The following ARHGAP6 variants were observed in gnomAD, a reference collection of about 807,000 sequenced individuals.
The protein encoded by ARHGAP6 is rho GTPase-activating protein 6.
A neutral mutation model predicts 55.7 loss-of-function variants in ARHGAP6; 16 were observed. The observed-to-expected ratio is 0.29, with a 90% confidence interval of 0.19 to 0.44. The LOEUF is 0.44. Ranked by LOEUF, ARHGAP6 falls within the 20% of genes least tolerant of loss-of-function variation. The pLI, the probability that ARHGAP6 is intolerant of heterozygous loss-of-function variation, is 1.00. For synonymous variants in ARHGAP6, 382 were observed against 360.9 expected (o/e 1.06, Z -0.66); for missense variants, 698 against 808.9 (o/e 0.86, Z 1.66).
chrX:11,651,214 TA>T (rs2052580314), intron 1 of ARHGAP6, among the ~76,000 whole-genome samples: 2 of 111,630 alleles, frequency 1.8e-5, no homozygotes, highest in South Asian at 3.8e-4. Flanking sequence ...GGGGTTTAGC[TA>T]TACAGATTAT....
chrX:11,603,382 G>T, intron 1 of ARHGAP6, among the ~76,000 whole-genome samples: 1 of 111,640 alleles, frequency 9.0e-6, no homozygotes, highest in South Asian at 3.8e-4. Context: ...AAACTGTTTT[G>T]CTTTTTCACA....
At chrX:11,515,850 A>G (rs991551759) in intron 1 of ARHGAP6, among the ~76,000 whole-genome samples, 2 of 112,843 alleles carry the variant, frequency 1.8e-5, no homozygotes, top group African/African-American at 6.4e-5. Context: ...TGTTATTGGT[A>G]TTTCTAAAAC....
intron 1 of ARHGAP6, among the ~76,000 whole-genome samples, chrX:11,389,639 T>C (rs907469852): frequency 8.9e-6 from 1 of 112,652 alleles, no homozygotes; most frequent in Non-Finnish European, 1.9e-5. Context: ...TGCTAAATTT[T>C]ACATGTCCTA....
rs953912280 is a variant in ARHGAP6, at chrX:11,304,777, C to CTTTTTTTTTT, written c.589-50080_589-50071dup. On this transcript the variant is annotated intron_variant, in intron 1 of 12. Coordinates refer to ENST00000337414, the MANE Select transcript of ARHGAP6 (RefSeq NM_013427.3). The stretch of plus-strand genomic sequence containing the variant: ...AAGGATTTCATTTTTCTTTCTTTTA[C>CTTTTTTTTTT]TTTTTTTTTTTTTTTTTTTTTTTTT... Among the ~76,000 whole-genome samples, 45 of 50,280 alleles carry CTTTTTTTTTT rather than the reference C, an allele frequency of 8.9e-4. 1 individual carries two copies. Among genetic ancestry groups the CTTTTTTTTTT allele is most frequent in the Non-Finnish European group, 1.1e-3 (30 of 27,107 alleles). The allele number at this position is 50,280 out of a possible 115,157, so 43.7% of individuals were successfully genotyped here. A position where few individuals can be genotyped will look rare whatever the true frequency, so the allele number is the denominator to read the frequency against.
chrX:11,275,798 G>A (rs2047754434), intron 1 of ARHGAP6, among the ~76,000 whole-genome samples: 1 of 111,299 alleles, frequency 9.0e-6, no homozygotes, highest in African/African-American at 3.3e-5. Context: ...TCATGGTTAG[G>A]GTGAGGGGTG....
At chrX:11,349,952 A>C (rs765977737) in intron 1 of ARHGAP6, among the ~76,000 whole-genome samples, 2 of 111,971 alleles carry the variant, frequency 1.8e-5, no homozygotes, top group Admixed American at 1.9e-4. Context: ...GGACTTCCCA[A>C]ACTTCAGATT....
intron 1 of ARHGAP6, among the ~76,000 whole-genome samples, chrX:11,388,375 T>A (rs928382404): frequency 8.9e-6 from 1 of 112,163 alleles, no homozygotes; most frequent in Admixed American, 9.4e-5. Flanking sequence ...TCTGTTCATA[T>A]CCTTCACCCA....
intron 1 of ARHGAP6, among the ~76,000 whole-genome samples, chrX:11,634,112 G>A (rs772551946): frequency 7.5e-4 from 73 of 97,566 alleles, no homozygotes; most frequent in African/African-American, 2.8e-3. Context: ...GTCTCACTCT[G>A]TCTCCCAGGC....
At chrX:11,153,440 G>C (rs771642652) in intron 10 of ARHGAP6, among the ~76,000 whole-genome samples, 2 of 100,134 alleles carry the variant, frequency 2.0e-5, no homozygotes, top group African/African-American at 7.4e-5. Context: ...CAGGAGAATC[G>C]TTTGAACCCG....
intron 1 of ARHGAP6, among the ~76,000 whole-genome samples, chrX:11,287,399 G>T (rs1261086686): frequency 1.8e-5 from 2 of 112,001 alleles, no homozygotes; most frequent in African/African-American, 3.2e-5. Context: ...TCTTGCGTCT[G>T]CTCTGACTCT....
At chrX:11,340,093 C>T (rs1157547879) in intron 1 of ARHGAP6, among the ~76,000 whole-genome samples, 3 of 112,156 alleles carry the variant, frequency 2.7e-5, no homozygotes, top group Non-Finnish European at 3.8e-5. Context: ...TCAACTGGTC[C>T]CCTGTATCCA....
chrX:11,375,170 G>A (rs1355753169), intron 1 of ARHGAP6, among the ~76,000 whole-genome samples: 2 of 111,860 alleles, frequency 1.8e-5, no homozygotes, highest in South Asian at 3.8e-4. Context: ...GAGAGCAAAT[G>A]TATAACTTAG....
intron 8 of ARHGAP6, among the ~76,000 whole-genome samples, chrX:11,174,982 C>T (rs959979799): frequency 5.4e-5 from 6 of 110,148 alleles, no homozygotes; most frequent in Admixed American, 9.6e-5. Flanking sequence ...TGAGCCACCG[C>T]GCCTGGCCCG....
chrX:11,607,881 A>G (rs956903857), intron 1 of ARHGAP6, among the ~76,000 whole-genome samples: 1 of 112,536 alleles, frequency 8.9e-6, no homozygotes, highest in African/African-American at 3.2e-5. Context: ...CACATCTGAT[A>G]CTACAGGCTT....
At chrX:11,545,156 G>A (rs1004493966) in intron 1 of ARHGAP6, among the ~76,000 whole-genome samples, 5 of 111,509 alleles carry the variant, frequency 4.5e-5, no homozygotes, top group African/African-American at 1.6e-4. Context: ...GTTCTACATG[G>A]TACAAGAAGT....
intron 1 of ARHGAP6, among the ~76,000 whole-genome samples, chrX:11,579,085 G>A (rs908218528): frequency 2.6e-4 from 28 of 109,721 alleles, no homozygotes; most frequent in Non-Finnish European, 4.4e-4. Context: ...AATACCTAAC[G>A]TACATGACGA....
intron 1 of ARHGAP6, among the ~76,000 whole-genome samples, chrX:11,617,440 C>T (rs1460053855): frequency 1.8e-5 from 2 of 111,657 alleles, no homozygotes. Flanking sequence ...AATAGTCTCC[C>T]AATTTCATAC....
intron 1 of ARHGAP6, among the ~76,000 whole-genome samples, chrX:11,363,356 G>A (rs1350732968): frequency 1.8e-5 from 2 of 112,266 alleles, no homozygotes; most frequent in Non-Finnish European, 3.8e-5. Flanking sequence ...CCCAGTTTGC[G>A]TGACTCCCCA....
intron 1 of ARHGAP6, among the ~76,000 whole-genome samples, chrX:11,270,556 T>C (rs2047680062): frequency 8.9e-6 from 1 of 112,245 alleles, no homozygotes; most frequent in African/African-American, 3.2e-5. Flanking sequence ...CCAGATCCTT[T>C]ACAAGTAGAA....
Sources: allele counts gnomAD v4.1 joint callset (sites outside exome capture counted in the v4.1 genomes callset), GRCh38; gene constraint gnomAD v4.1.1; transcripts MANE v1.5; gene names NCBI Gene and HGNC (gene_info 2026-07-23, HGNC 2026-07-21).